DNAAF8: variants seen among roughly 807,000 people sequenced by gnomAD.
DNAAF8 encodes the protein dynein axonemal-associated protein 1.
In DNAAF8, 61 loss-of-function variants were observed where a neutral mutation model predicts 54.6. The ratio of observed to expected loss-of-function variants is 1.12; its 90% confidence interval spans 0.91 to 1.38. DNAAF8 has a LOEUF of 1.38. Among genes scored for constraint, DNAAF8 ranks in the 40% most tolerant of loss-of-function variants. DNAAF8 has a pLI of 0.00. For synonymous variants in DNAAF8, 320 were observed against 270.1 expected, an observed-to-expected ratio of 1.18 and a Z score of -1.81; for missense variants, 837 against 665.0, an observed-to-expected ratio of 1.26 and a Z score of -2.85.
chr16:4,736,697 G>A (rs2081905617), intron 2 of DNAAF8, 54 bp downstream of exon 2: 6 of 1,454,590 alleles, frequency 4.1e-6, no homozygotes, highest in African/African-American at 2.8e-5. Context: ...GAGCAGGCAT[G>A]ACGCTGGCCA....
At chr16:4,741,524 G>A (rs1206548656) in intron 4 of DNAAF8, among the ~76,000 whole-genome samples, 3 of 152,184 alleles carry the variant, frequency 2.0e-5, no homozygotes, top group Non-Finnish European at 4.4e-5. Context: ...TTTTGGCCAG[G>A]TGTGATGGCT....
At chr16:4,741,067 CAAA>C (rs71139655) in intron 4 of DNAAF8, among the ~76,000 whole-genome samples, 18 of 142,542 alleles carry the variant, frequency 1.3e-4, no homozygotes, top group African/African-American at 3.3e-4. Context: ...ACTAAAAATA[CAAA>C]AAAAAAAAAA....
chr16:4,740,526 G>C lies in DNAAF8; in HGVS notation c.650G>C (p.Arg217Pro), dbSNP rs750228262. Reference sequence around the variant, plus strand: ...ACGGACATCCTCCAGAAAGTCACCCGGGATGCCTGCGGCCCGACCAGCAGT... The same window carrying C: ...ACGGACATCCTCCAGAAAGTCACCCCGGATGCCTGCGGCCCGACCAGCAGT... ...IETDILQKVT[R>P]DACGPTSSDK... is the part of the protein sequence containing the mutation. Residue 217 changes from arginine (R) to proline (P), a missense_variant, in exon 4 of 10, where the codon CGG becomes CCG. Transcript: ENST00000299320. 121 of 1,613,952 alleles carry C rather than the reference G, an allele frequency of 7.5e-5. No individual in the cohort carries two copies. Among genetic ancestry groups the C allele is most frequent in the Non-Finnish European group, 1.0e-4 (121 of 1,180,026 alleles).
chr16:4,746,975 G>T lies in DNAAF8; in HGVS notation c.1230G>T (p.Met410Ile). 1 of 1,551,102 alleles carries T rather than the reference G, an allele frequency of 6.4e-7. No homozygotes were observed. Among genetic ancestry groups the T allele is most frequent in the South Asian group, 1.2e-5 (1 of 82,752 alleles). ...GTGAGGAGGAGGAGGAGGAAGAGATGGCAGCTCTGGGAGACGCAGAGGGGG... is the reference window on the plus strand; with the variant it reads ...GTGAGGAGGAGGAGGAGGAAGAGATTGCAGCTCTGGGAGACGCAGAGGGGG... ...SDSEEEEEEE[M>I]AALGDAEGAS... Residue 410 changes from methionine to isoleucine, a missense_variant, in exon 8 of 10, where the codon ATG becomes ATT. Physicochemically the swap from Met to Ile is conservative, Grantham distance 10. Coordinates refer to ENST00000299320, the MANE Select transcript of DNAAF8 (RefSeq NM_139170.3).
At position 4,747,480 on chromosome 16, in the gene DNAAF8, C is replaced by T. The variant is rs772381788; in HGVS notation, c.1418C>T (p.Thr473Ile). The change falls in exon 9 of 10, where the codon ACT becomes ATT. Residue 473 changes from threonine to isoleucine, a missense_variant. Physicochemically the swap from Thr to Ile is moderately conservative, Grantham distance 89. Transcript: ENST00000299320. ...CCTGAAGACACAGCTGGATCACGAA[C>T]TGGGAGGAAGCAACACATGAAGCTC... ...QAPEDTAGSR[T>I]GRKQHMKLCA... 6.2e-7 allele frequency: 1 copy of T among 1,613,176 alleles called. No individual in the cohort carries two copies. Among genetic ancestry groups the T allele is most frequent in the Non-Finnish European group, 8.5e-7 (1 of 1,180,004 alleles).
chr16:4,740,724 A>G, intron 4 of DNAAF8, 65 bp downstream of exon 4: 1 of 1,479,252 alleles, frequency 6.8e-7, no homozygotes. Flanking sequence ...TGCTGTTCCC[A>G]TGCACTGGAG....
intron 4 of DNAAF8, among the ~76,000 whole-genome samples, chr16:4,742,446 T>G (rs1187164573): frequency 6.6e-6 from 1 of 151,086 alleles, no homozygotes; most frequent in Non-Finnish European, 1.5e-5. Flanking sequence ...GTCTCAGCAC[T>G]TTGGGAGGTG....
rs1340904780 is a variant in DNAAF8 at position 4,746,375 on chromosome 16, A to G, written c.1044A>G (p.Arg348=). 1 of 1,610,672 alleles carries G rather than the reference A, an allele frequency of 6.2e-7. No homozygotes were observed. The change falls in exon 7 of 10, where the codon AGA becomes AGG. Residue 348 remains arginine (R), a splice_region_variant and synonymous_variant. Coordinates refer to ENST00000299320, the MANE Select transcript of DNAAF8 (RefSeq NM_139170.3). The part of the protein sequence containing the change: ...QDTKEADSGS[R]CASRKQGSQA... ...ACAACACCTGCTTTTCTCATTTCAG[A>G]TGTGCCTCAAGGAAGCAGGGCTCCC... is the stretch of plus-strand genomic sequence containing the variant.
rs1182945795 is a variant in DNAAF8 at position 4,744,932 on chromosome 16, C to T, written c.964C>T (p.Gln322Ter). The T allele has an allele frequency of 8.1e-6, 13 of 1,613,796 alleles. No individual in the cohort carries two copies. The highest frequency in any genetic ancestry group is 1.1e-5 in the Non-Finnish European group (13 of 1,179,954). ...ACAGCTGGCCCTCCTGTGCACCACGCAGTCCAAGGCCTCTGCTTGTGCCCG... is the reference window on the plus strand; with the variant it reads ...ACAGCTGGCCCTCCTGTGCACCACGTAGTCCAAGGCCTCTGCTTGTGCCCG... ...MEQLALLCTTQSKASACARKV... is the reference protein window; with the variant it reads ...MEQLALLCTT The change falls in exon 6 of 10, where the codon CAG (glutamine) becomes TAG (stop). Residue 322 changes from glutamine to a stop codon, truncating the protein, a stop_gained. Coordinates refer to ENST00000299320, the MANE Select transcript of DNAAF8 (RefSeq NM_139170.3). LOFTEE classifies it high-confidence loss of function.
At chr16:4,735,618 C>T (rs546440231) in intron 1 of DNAAF8, among the ~76,000 whole-genome samples, 1 of 150,920 alleles carries the variant, frequency 6.6e-6, no homozygotes. Context: ...AATGCAGGGG[C>T]TGGTCAGAGT....
chr16:4,738,028 T>A lies in DNAAF8; in HGVS notation c.276+82T>A, dbSNP rs753582243. The A allele has an allele frequency of 6.8e-6, 10 of 1,470,628 alleles. No homozygotes were observed. In the African/African-American group the frequency reaches 1.4e-4, roughly 21 times the overall value. The allele number at this position is 1,470,628 out of a possible 1,614,324, so 91.1% of individuals were successfully genotyped here. A position where few individuals can be genotyped will look rare whatever the true frequency, so the allele number is the denominator to read the frequency against. ...ACTGGTCTAAACCACTGTTCTAGCA[T>A]TTCCACGATATGCTAGAACATGGTC... On this transcript the variant is annotated intron_variant, in intron 3 of 9. Transcript: ENST00000299320.
rs116065944 is a variant in DNAAF8, at chr16:4,735,820, G to A, written c.-51-644G>A. ...AAAATAAAAATGTTAGCCAGATGTG[G>A]TGGTACACACCTGTAGTCCCAGTTA... is the stretch of plus-strand genomic sequence containing the variant. On this transcript the variant is annotated intron_variant, in intron 1 of 9. Transcript: ENST00000299320. Among the ~76,000 whole-genome samples, 643 of 152,270 alleles carry A rather than the reference G, an allele frequency of 4.2e-3. 2 individuals carry two copies. The highest frequency in any genetic ancestry group is 0.015 in the African/African-American group (611 of 41,562).
intron 1 of DNAAF8, among the ~76,000 whole-genome samples, chr16:4,735,815 A>T (rs943926974): frequency 6.6e-6 from 1 of 152,100 alleles, no homozygotes; most frequent in African/African-American, 2.4e-5. Flanking sequence ...TGTTAGCCAG[A>T]TGTGGTGGTA....
At chr16:4,744,761 C>T (rs1035282289) in intron 5 of DNAAF8, 109 bp from the exon 6 acceptor site, 28 of 1,369,116 alleles carry the variant, frequency 2.0e-5, no homozygotes, top group Non-Finnish European at 2.8e-5. Flanking sequence ...GTGGAGGAGC[C>T]TGAGGTCCAT....
At chr16:4,747,928 G>A (rs528384338) in intron 9 of DNAAF8, among the ~76,000 whole-genome samples, 2 of 152,234 alleles carry the variant, frequency 1.3e-5, no homozygotes, top group African/African-American at 4.8e-5. Flanking sequence ...TGCTCTCTGC[G>A]GGACTCTGAG....
chr16:4,736,750 C>T, intron 2 of DNAAF8, 107 bp downstream of exon 2: 1 of 1,217,756 alleles, frequency 8.2e-7, no homozygotes, highest in Non-Finnish European at 1.1e-6. Flanking sequence ...TCCTGCTGAC[C>T]TGTGCAGTTT....
intron 8 of DNAAF8, 117 bp downstream of exon 8, chr16:4,747,142 G>T: frequency 8.2e-7 from 1 of 1,219,176 alleles, no homozygotes; most frequent in South Asian, 1.5e-5. Flanking sequence ...CCACCGCACA[G>T]GGTGAGGGGG....
chr16:4,740,029 A>G, intron 3 of DNAAF8, 124 bp from the exon 4 acceptor site: 1 of 1,234,034 alleles, frequency 8.1e-7, no homozygotes, highest in Non-Finnish European at 1.1e-6. Context: ...ACTGCACTGC[A>G]GCCTGGGCAA....
At chr16:4,742,430 C>T (rs1455261677) in intron 4 of DNAAF8, among the ~76,000 whole-genome samples, 1 of 151,694 alleles carries the variant, frequency 6.6e-6, no homozygotes, top group African/African-American at 2.4e-5. Context: ...GTGGCTCACA[C>T]CTGTAGTCTC....
Sources: gnomAD v4.1 joint callset for allele counts (sites outside exome capture counted in the v4.1 genomes callset) on GRCh38, gnomAD v4.1.1 for gene constraint, MANE v1.5 for transcripts, NCBI Gene and HGNC (gene_info 2026-07-23, HGNC 2026-07-21) for gene names.